Variants in CHN2 observed in about 807,000 individuals in gnomAD.
CHN2 encodes the protein chimerin 2.
Under a neutral mutation model 56.3 loss-of-function variants are expected in CHN2, and 35 were observed. That is an observed-to-expected ratio of 0.62 (90% confidence interval 0.47 to 0.82). The LOEUF is 0.82. Among genes scored for constraint, CHN2 ranks in the 40% least tolerant of loss-of-function variants. CHN2 has a pLI of 0.00. For synonymous variants in CHN2, 210 were observed against 212.8 expected (o/e 0.99, Z 0.12); for missense variants, 491 against 580.5 (o/e 0.85, Z 1.58).
At chr7:29,269,411 C>T (rs1173349762) in intron 1 of CHN2, among the ~76,000 whole-genome samples, 1 of 152,104 alleles carries the variant, frequency 6.6e-6, no homozygotes, top group Non-Finnish European at 1.5e-5. Context: ...AATAATATTC[C>T]ATTGTGTACG....
intron 7 of CHN2, among the ~76,000 whole-genome samples, chr7:29,486,585 T>A (rs988504526): frequency 6.6e-6 from 1 of 152,130 alleles, no homozygotes; most frequent in East Asian, 1.9e-4. Flanking sequence ...CTGTCCTGTG[T>A]GGCGCCTTTC....
chr7:29,406,378 C>T (rs1171383522), intron 6 of CHN2, among the ~76,000 whole-genome samples: 2 of 152,102 alleles, frequency 1.3e-5, no homozygotes, highest in East Asian at 1.9e-4. Context: ...GAGTGTTTAA[C>T]GCATCACCTC....
chr7:29,473,112 A>G (rs1028666665), intron 6 of CHN2, among the ~76,000 whole-genome samples: 1 of 152,240 alleles, frequency 6.6e-6, no homozygotes, highest in Non-Finnish European at 1.5e-5. Flanking sequence ...AAGCCCCTGC[A>G]GGGCATGGTA....
At chr7:29,254,301 G>C (rs1305525753) in intron 1 of CHN2, among the ~76,000 whole-genome samples, 1 of 152,154 alleles carries the variant, frequency 6.6e-6, no homozygotes, top group African/African-American at 2.4e-5. Context: ...CAGTACCCCT[G>C]TAATAGATCT....
chr7:29,212,722 C>T, intron 1 of CHN2: 1 of 1,605,218 alleles, frequency 6.2e-7, no homozygotes, highest in African/African-American at 1.3e-5. Flanking sequence ...AGGTGAAGAC[C>T]TGGTTCTAGA....
chr7:29,427,888 C>A (rs374045186), intron 6 of CHN2, among the ~76,000 whole-genome samples: 1 of 152,174 alleles, frequency 6.6e-6, no homozygotes, highest in African/African-American at 2.4e-5. Flanking sequence ...ATCTCTTGAC[C>A]TCATGATCCA....
chr7:29,400,853 C>T (rs1802143636), intron 6 of CHN2, 25 bp downstream of exon 6: 7 of 1,606,720 alleles, frequency 4.4e-6, no homozygotes, highest in African/African-American at 1.3e-5. Context: ...ATGGAAGCAG[C>T]CTTTCGTTTT....
At chr7:29,290,229 C>T (rs527922039) in intron 1 of CHN2, among the ~76,000 whole-genome samples, 71 of 152,328 alleles carry the variant, frequency 4.7e-4, no homozygotes, top group Middle Eastern at 6.8e-3. Context: ...CCTCTGCATA[C>T]CTTTATTCCC....
chr7:29,215,805 A>G (rs1365432985), intron 1 of CHN2, among the ~76,000 whole-genome samples: 4 of 152,030 alleles, frequency 2.6e-5, no homozygotes, highest in African/African-American at 9.7e-5. Context: ...ACCATAACCT[A>G]TGGGACAAAG....
intron 2 of CHN2, among the ~76,000 whole-genome samples, chr7:29,358,629 A>AT (rs1041939431): frequency 4.0e-5 from 6 of 151,426 alleles, no homozygotes; most frequent in Non-Finnish European, 7.4e-5. Context: ...CGCCCGGCTA[A>AT]TTTTTTTTGT....
intron 3 of CHN2, among the ~76,000 whole-genome samples, chr7:29,382,890 G>A (rs1049848090): frequency 1.5e-4 from 23 of 152,196 alleles, no homozygotes; most frequent in Non-Finnish European, 2.5e-4. Flanking sequence ...ATGAGCAGCC[G>A]AGGGTGTGCT....
intron 3 of CHN2, among the ~76,000 whole-genome samples, chr7:29,384,516 T>C (rs1800775650): frequency 2.0e-5 from 3 of 152,268 alleles, no homozygotes; most frequent in South Asian, 4.2e-4. Flanking sequence ...CTGCTCCTCC[T>C]GGCCCTCCCC....
intron 1 of CHN2, among the ~76,000 whole-genome samples, chr7:29,224,462 T>C (rs182256340): frequency 6.6e-6 from 1 of 152,216 alleles, no homozygotes; most frequent in Non-Finnish European, 1.5e-5. Context: ...CCGAGCTTAT[T>C]TCTAAATCCT....
intron 2 of CHN2, chr7:29,147,241 TA>T (rs1792867981): frequency 5.0e-6 from 2 of 401,734 alleles, no homozygotes; most frequent in Non-Finnish European, 9.0e-6. Context: ...TAACACAAAA[TA>T]AAGGAGGGTC....
intron 7 of CHN2, among the ~76,000 whole-genome samples, chr7:29,487,828 C>T (rs1033638836): frequency 6.6e-6 from 1 of 152,158 alleles, no homozygotes; most frequent in Non-Finnish European, 1.5e-5. Flanking sequence ...GGACAGGCCA[C>T]CACAACAAAG....
chr7:29,231,056 A>G (rs1394041072), intron 1 of CHN2, among the ~76,000 whole-genome samples: 2 of 152,210 alleles, frequency 1.3e-5, no homozygotes, highest in Non-Finnish European at 2.9e-5. Context: ...TTTTTCCAGC[A>G]TACCAGACTG....
chr7:29,430,669 T>C (rs1366463735), intron 6 of CHN2, among the ~76,000 whole-genome samples: 3 of 151,792 alleles, frequency 2.0e-5, no homozygotes, highest in African/African-American at 4.8e-5. Context: ...TCACTATGTA[T>C]GGAGATGAGA....
Position 29,400,459 on chromosome 7 carries a change from CA to C in CHN2, c.291-78del, listed in dbSNP as rs901182529. The C allele has an allele frequency of 6.3e-5, 88 of 1,389,826 alleles. 2 individuals carry two copies. In the Admixed American group the frequency reaches 1.5e-3, roughly 24 times the overall value. The allele number at this position is 1,389,826 out of a possible 1,614,324, so 86.1% of individuals were successfully genotyped here. On this transcript the variant is annotated intron_variant, in intron 5 of 12. Transcript: ENST00000222792. ...CTGTGCCTGGGATACACTAAGTATT[CA>C]AAAAACGTTAGCTGCTATTGTTATC... is the stretch of plus-strand genomic sequence containing the variant.
intron 3 of CHN2, among the ~76,000 whole-genome samples, chr7:29,374,847 T>TCCTTCCTGCCTG (rs961509280): frequency 1.4e-5 from 2 of 145,446 alleles, no homozygotes; most frequent in African/African-American, 5.2e-5. Flanking sequence ...CTTCCTTCCT[T>TCCTTCCTGCCTG]CCTGCCTCCC....
Sources: gnomAD v4.1 joint callset for allele counts (sites outside exome capture counted in the v4.1 genomes callset) on GRCh38, gnomAD v4.1.1 for gene constraint, MANE v1.5 for transcripts, NCBI Gene and HGNC (gene_info 2026-07-23, HGNC 2026-07-21) for gene names.